The following IRS1 variants were observed in gnomAD, a reference collection of about 807,000 sequenced individuals.
IRS1 encodes the protein insulin receptor substrate 1.
Under a neutral mutation model 65.6 loss-of-function variants are expected in IRS1, and 34 were observed. The ratio of observed to expected loss-of-function variants is 0.52; its 90% CI spans 0.39 to 0.69. IRS1 has a LOEUF of 0.69. Among genes scored for constraint, IRS1 ranks in the 30% least tolerant of loss-of-function variants. IRS1 has a pLI of 0.00. For missense variants in IRS1, 1,641 were observed against 1,720.2 expected, an observed-to-expected ratio of 0.95 and a Z score of 0.81; for synonymous variants, 699 against 683.5, an observed-to-expected ratio of 1.02 and a Z score of -0.35.
intron 1 of IRS1, among the ~76,000 whole-genome samples, chr2:226,769,426 CAATT>C (rs1939120895): frequency 6.6e-6 from 1 of 152,122 alleles, no homozygotes; most frequent in African/African-American, 2.4e-5. Flanking sequence ...CTTCAGAAAG[CAATT>C]AGATCTATGG....
chr2:226,745,948 T>C (rs1473807924), intron 1 of IRS1, among the ~76,000 whole-genome samples: 1 of 152,114 alleles, frequency 6.6e-6, no homozygotes, highest in Non-Finnish European at 1.5e-5. Flanking sequence ...AAAGTAAAAG[T>C]AGCAGTAGTA....
At position 226,797,963 on chromosome 2, in the gene IRS1, G is replaced by A; in HGVS notation, c.776C>T (p.Ala259Val). Residue 259 changes from alanine (A) to valine (V), a missense_variant, in exon 1 of 2, where the codon GCC becomes GTC. Transcript: ENST00000305123. The surrounding 1 kb of genome is among the most constrained non-coding windows in gnomAD (Gnocchi z 8.1). ...MHETILEAMR[A>V]MSDEFRPRSK... ...GCGAGGGCGGAACTCATCACTCATG[G>A]CCCGCATGGCCTCCAGGATGGTCTC... 6.2e-7 allele frequency: 1 copy of A among 1,614,108 alleles called. No homozygotes were observed. Among genetic ancestry groups the A allele is most frequent in the South Asian group, 1.1e-5 (1 of 91,078 alleles).
At chr2:226,756,468 G>C (rs1938803330) in intron 1 of IRS1, among the ~76,000 whole-genome samples, 1 of 152,040 alleles carries the variant, frequency 6.6e-6, no homozygotes, top group Non-Finnish European at 1.5e-5. Context: ...GTTTAATGAG[G>C]ATGAAGAAAA....
At chr2:226,753,611 T>TA (rs2106163643) in intron 1 of IRS1, among the ~76,000 whole-genome samples, 1 of 152,286 alleles carries the variant, frequency 6.6e-6, no homozygotes, top group Non-Finnish European at 1.5e-5. Context: ...AAATGTCAAT[T>TA]AAAAACTGTG....
rs1939744606 is a variant in IRS1, at chr2:226,797,039, C to T, written c.1700G>A (p.Arg567Gln). 5 of 1,607,450 alleles carry T rather than the reference C, an allele frequency of 3.1e-6. No homozygotes were observed. Among genetic ancestry groups the T allele is most frequent in the African/African-American group, 1.3e-5 (1 of 74,804 alleles). The change falls in exon 1 of 2, where the codon CGA becomes CAA. Residue 567 changes from arginine (R) to glutamine (Q), a missense_variant. This residue lies in a region of IRS1 where 1,324 missense variants were observed against 1,361.0 expected (regional missense o/e 0.97). Transcript: ENST00000305123. This position sits in a 1 kb window ranked among gnomAD's most constrained non-coding sequence, Gnocchi z 8.1. ...GGCGGAGTGCCTGTGTCCCGGCAGTCGGCCTCCACTGCCACCTCCTGGTGG... is the reference window on the plus strand; with the variant it reads ...GGCGGAGTGCCTGTGTCCCGGCAGTTGGCCTCCACTGCCACCTCCTGGTGG... The part of the protein sequence containing the change: ...AYPPGGGSGG[R>Q]LPGHRHSAFV...
chr2:226,761,089 C>T (rs1938906742), intron 1 of IRS1, among the ~76,000 whole-genome samples: 1 of 152,198 alleles, frequency 6.6e-6, no homozygotes, highest in Non-Finnish European at 1.5e-5. Context: ...AAAACCAACA[C>T]TTGCAGGGTT....
intron 1 of IRS1, among the ~76,000 whole-genome samples, chr2:226,782,265 G>T (rs1393434958): frequency 6.6e-6 from 1 of 152,012 alleles, no homozygotes; most frequent in African/African-American, 2.4e-5. Context: ...GTTTTGTTTT[G>T]TTCTGTAACC....
intron 1 of IRS1, among the ~76,000 whole-genome samples, chr2:226,793,247 T>G (rs1213741846): frequency 6.6e-6 from 1 of 152,196 alleles, no homozygotes; most frequent in Non-Finnish European, 1.5e-5. Context: ...AAGAAAAACT[T>G]ATTCTCTTTA....
At chr2:226,752,561 A>C (rs569430597) in intron 1 of IRS1, among the ~76,000 whole-genome samples, 18 of 152,354 alleles carry the variant, frequency 1.2e-4, no homozygotes, top group African/African-American at 4.3e-4. Context: ...AGGCTACTAA[A>C]GATTTTAGGA....
At chr2:226,766,163 ATTTT>A (rs5839180) in intron 1 of IRS1, among the ~76,000 whole-genome samples, 15 of 4,592 alleles carry the variant, frequency 3.3e-3, no homozygotes, top group Non-Finnish European at 5.7e-3. Flanking sequence ...ATATATATAT[ATTTT>A]TTTTTTTTTT....
chr2:226,783,570 C>A (rs1286964437), intron 1 of IRS1, among the ~76,000 whole-genome samples: 1 of 151,632 alleles, frequency 6.6e-6, no homozygotes, highest in African/African-American at 2.4e-5. Flanking sequence ...TGTGTTTTTC[C>A]AAAAAAAGTA....
At position 226,797,108 on chromosome 2, in the gene IRS1, G is replaced by A. The variant is rs1939745947; in HGVS notation, c.1631C>T (p.Ser544Leu). 3 of 1,613,678 alleles carry A rather than the reference G, an allele frequency of 1.9e-6. No homozygotes were observed. The African/African-American group carries it at 4.0e-5, about 22-fold the overall frequency. The change falls in exon 1 of 2, where the codon TCA becomes TTA. Residue 544 changes from serine to leucine, a missense_variant. Physicochemically the swap from Ser to Leu is moderately radical, Grantham distance 145. This residue lies in a region of IRS1 where 1,324 missense variants were observed against 1,361.0 expected (regional missense o/e 0.97). Coordinates refer to ENST00000305123, the MANE Select transcript of IRS1 (RefSeq NM_005544.3). The surrounding 1 kb of genome is among the most constrained non-coding windows in gnomAD (Gnocchi z 8.1). ...ITHQKTPSQSSVASIEEYTEM... is the reference protein window; with the variant it reads ...ITHQKTPSQSLVASIEEYTEM... Reference sequence around the variant, plus strand: ...TGTGTACTCCTCAATGGAAGCCACTGAGGACTGGGACGGGGTCTTCTGGTG... The same window carrying A: ...TGTGTACTCCTCAATGGAAGCCACTAAGGACTGGGACGGGGTCTTCTGGTG...
Position 226,798,200 on chromosome 2 carries a change from A to G in IRS1, c.539T>C (p.Ile180Thr), listed in dbSNP as rs1392016929. The G allele has an allele frequency of 3.1e-6, 5 of 1,613,818 alleles. No individual in the cohort carries two copies. Among genetic ancestry groups the G allele is most frequent in the Middle Eastern group, 1.6e-4 (1 of 6,084 alleles). Reference sequence around the variant, plus strand: ...GGTCAGGCAAAGGCGGTAGATACCAATCAGGTTCTTTGTCTGACCCAGGCC... The same window carrying G: ...GGTCAGGCAAAGGCGGTAGATACCAGTCAGGTTCTTTGTCTGACCCAGGCC... ...PKGLGQTKNL[I>T]GIYRLCLTSK... The change falls in exon 1 of 2, where the codon ATT (isoleucine) becomes ACT (threonine). Residue 180 changes from isoleucine to threonine, a missense_variant. Physicochemically the swap from Ile to Thr is moderately conservative, Grantham distance 89. Coordinates refer to ENST00000305123, the MANE Select transcript of IRS1 (RefSeq NM_005544.3). The surrounding 1 kb of genome is among the most constrained non-coding windows in gnomAD (Gnocchi z 9.4).
chr2:226,787,739 C>G (rs1402384776), intron 1 of IRS1, among the ~76,000 whole-genome samples: 1 of 152,142 alleles, frequency 6.6e-6, no homozygotes, highest in African/African-American at 2.4e-5. Flanking sequence ...ATTGTCCCCA[C>G]AACCCCTAAA....
At position 226,797,032 on chromosome 2, in the gene IRS1, C is replaced by T. The variant is rs1020954838; in HGVS notation, c.1707G>A (p.Pro569=). The part of the protein sequence containing the change: ...PPGGGSGGRL[P]GHRHSAFVPT... ...GCACGAAGGCGGAGTGCCTGTGTCC[C>T]GGCAGTCGGCCTCCACTGCCACCTC... Residue 569 remains proline, a synonymous_variant, in exon 1 of 2, where the codon CCG becomes CCA. Transcript: ENST00000305123. The surrounding 1 kb of genome is among the most constrained non-coding windows in gnomAD (Gnocchi z 8.1). 6.2e-6 allele frequency: 10 copies of T among 1,606,782 alleles called. No homozygotes were observed. The highest frequency in any genetic ancestry group is 2.2e-5 in the East Asian group (1 of 44,718).
At position 226,799,543 on chromosome 2, in the gene IRS1, C is replaced by A; in HGVS notation, c.-805G>T. 9.4e-7 allele frequency: 1 copy of A among 1,064,194 alleles called. No homozygotes were observed. Among genetic ancestry groups the A allele is most frequent in the Non-Finnish European group, 1.2e-6 (1 of 866,720 alleles). The allele number at this position is 1,064,194 out of a possible 1,614,324, so 65.9% of individuals were successfully genotyped here. ...ACTCATCCCTGCCCCTCGCTCCAGG[C>A]GGCTGGGGAGGAGGGGAGGGGACAA... On this transcript the variant is annotated 5_prime_UTR_variant, in exon 1 of 2. Transcript: ENST00000305123. This position sits in a 1 kb window ranked among gnomAD's most constrained non-coding sequence, Gnocchi z 6.1.
At chr2:226,741,328 G>T (rs752667608) in intron 1 of IRS1, among the ~76,000 whole-genome samples, 7 of 152,152 alleles carry the variant, frequency 4.6e-5, no homozygotes, top group African/African-American at 9.6e-5. Context: ...TCATCCCAAC[G>T]CATTGTATAA....
At chr2:226,747,894 G>A (rs1240109574) in intron 1 of IRS1, among the ~76,000 whole-genome samples, 2 of 152,080 alleles carry the variant, frequency 1.3e-5, no homozygotes, top group Non-Finnish European at 2.9e-5. Flanking sequence ...GAGGAGAGAT[G>A]CTACTGGCTT....
At position 226,798,413 on chromosome 2, in the gene IRS1, G is replaced by A; in HGVS notation, c.326C>T (p.Ala109Val). 6.2e-7 allele frequency: 1 copy of A among 1,614,076 alleles called. No individual in the cohort carries two copies. Among genetic ancestry groups the A allele is most frequent in the Non-Finnish European group, 8.5e-7 (1 of 1,180,018 alleles). ...AGCACGGTTGTGCAGCTGTAGGAGAGCCTGGTACCAGCTGTCTTGCTCGGC... is the reference window on the plus strand; with the variant it reads ...AGCACGGTTGTGCAGCTGTAGGAGAACCTGGTACCAGCTGTCTTGCTCGGC... ...SEAEQDSWYQ[A>V]LLQLHNRAKG... The change falls in exon 1 of 2, where the codon GCT (alanine) becomes GTT (valine). Residue 109 changes from alanine to valine, a missense_variant. This residue lies in a region of IRS1 where 240 missense variants were observed against 229.6 expected (regional missense o/e 1.05). Transcript: ENST00000305123. This position sits in a 1 kb window ranked among gnomAD's most constrained non-coding sequence, Gnocchi z 9.4.
Sources: gnomAD v4.1 joint callset for allele counts (sites outside exome capture counted in the v4.1 genomes callset) on GRCh38, gnomAD v4.1.1 for gene constraint, gnomAD v4.1.1 regional missense constraint, Gnocchi (gnomAD v3.1) non-coding constraint, MANE v1.5 for transcripts, NCBI Gene and HGNC (gene_info 2026-07-23, HGNC 2026-07-21) for gene names.